The following ARL15 variants were observed in gnomAD, a reference collection of about 807,000 sequenced individuals.
ARL15 encodes the protein ADP-ribosylation factor-like protein 15.
A neutral mutation model predicts 25.2 loss-of-function variants in ARL15; 19 were observed. That is an observed-to-expected ratio of 0.75 (90% confidence interval 0.53 to 1.10). The LOEUF (loss-of-function observed/expected upper bound fraction) is 1.10. ARL15 is among the 50% of genes least tolerant of loss of function. ARL15 has a pLI of 0.00. For missense variants in ARL15, 220 were observed against 246.0 expected (o/e 0.89, Z 0.71); for synonymous variants, 94 against 86.8 (o/e 1.08, Z -0.46).
chr5:54,148,261 C>T (rs990345694), intron 3 of ARL15, among the ~76,000 whole-genome samples: 10 of 152,068 alleles, frequency 6.6e-5, no homozygotes, highest in African/African-American at 1.7e-4. Flanking sequence ...TAACAGCACC[C>T]GAAGATAACT....
intron 3 of ARL15, among the ~76,000 whole-genome samples, chr5:54,120,133 T>C (rs1172429517): frequency 6.6e-6 from 1 of 152,206 alleles, no homozygotes; most frequent in African/African-American, 2.4e-5. Context: ...TTCTCAAAAG[T>C]AGAATGTAGA....
At chr5:54,038,590 A>G (rs1159876053) in intron 4 of ARL15, among the ~76,000 whole-genome samples, 1 of 152,158 alleles carries the variant, frequency 6.6e-6, no homozygotes, top group Non-Finnish European at 1.5e-5. Context: ...AAATAAACCA[A>G]AATTAGAGTG....
At chr5:54,167,690 A>G (rs13172689) in intron 2 of ARL15, among the ~76,000 whole-genome samples, 19,065 of 152,130 alleles carry the variant, frequency 0.13, 1,528 homozygotes, top group Non-Finnish European at 0.19. Flanking sequence ...TCTGACTACT[A>G]GCATGCTCAA....
rs1744531089 is a variant in ARL15, at chr5:53,886,557, G to A, written c.*4C>T. 1.3e-6 allele frequency: 2 copies of A among 1,553,898 alleles called. No homozygotes were observed. The highest frequency in any genetic ancestry group is 1.2e-5 in the South Asian group (1 of 83,230). ...TTTTGGGAGCCTGTTTTCTTTGCCA[G>A]ATTTCACATTCTTACAGCTTCATGG... is the stretch of plus-strand genomic sequence containing the variant. On this transcript the variant is annotated 3_prime_UTR_variant, in exon 5 of 5. Transcript: ENST00000504924.
intron 3 of ARL15, among the ~76,000 whole-genome samples, chr5:54,133,724 A>G (rs1181294882): frequency 6.6e-6 from 1 of 152,164 alleles, no homozygotes; most frequent in African/African-American, 2.4e-5. Flanking sequence ...ACCAAAAATG[A>G]TCATTTACCC....
At chr5:54,252,873 G>A (rs770180226) in intron 1 of ARL15, among the ~76,000 whole-genome samples, 4 of 151,980 alleles carry the variant, frequency 2.6e-5, no homozygotes, top group Non-Finnish European at 4.4e-5. Flanking sequence ...ATAGAGGCGC[G>A]CACCACCATG....
At chr5:54,157,467 A>T (rs1029885817) in intron 2 of ARL15, among the ~76,000 whole-genome samples, 2 of 152,176 alleles carry the variant, frequency 1.3e-5, no homozygotes, top group Non-Finnish European at 2.9e-5. Context: ...GCTGGGGTAC[A>T]GTGGCGTGGT....
rs544753169 is a variant in ARL15, at chr5:54,073,516, G to GTTGGTTAGAAAATGCTTTCAT, written c.462+39665_462+39685dup. 2.5e-3 allele frequency among the ~76,000 whole-genome samples: 377 copies of GTTGGTTAGAAAATGCTTTCAT among 152,326 alleles called. 1 individual carries two copies. The highest frequency in any genetic ancestry group is 8.5e-3 in the African/African-American group (352 of 41,582). On this transcript the variant is annotated intron_variant, in intron 4 of 4. Coordinates refer to ENST00000504924, the MANE Select transcript of ARL15 (RefSeq NM_019087.3). ...AGATTGTTACCATTTCACTTCAGAA[G>GTTGGTTAGAAAATGCTTTCAT]TTGGTTAGAAAATGCTTTCATTTAA...
chr5:54,225,281 C>T (rs1756487170), intron 1 of ARL15, among the ~76,000 whole-genome samples: 1 of 152,132 alleles, frequency 6.6e-6, no homozygotes, highest in African/African-American at 2.4e-5. Context: ...AAGATGGCAC[C>T]ATGTCATGGG....
chr5:54,065,717 A>G (rs144267343), intron 4 of ARL15, among the ~76,000 whole-genome samples: 5 of 152,148 alleles, frequency 3.3e-5, no homozygotes, highest in Admixed American at 2.6e-4. Flanking sequence ...CAACAACTAC[A>G]AAAAACAAAT....
At chr5:54,207,253 G>T (rs150848143) in intron 1 of ARL15, among the ~76,000 whole-genome samples, 2 of 152,208 alleles carry the variant, frequency 1.3e-5, no homozygotes, top group Non-Finnish European at 2.9e-5. Flanking sequence ...TGTCTGCACA[G>T]GGAGACTAAG....
chr5:54,061,019 C>T (rs1353830859), intron 4 of ARL15, among the ~76,000 whole-genome samples: 1 of 152,144 alleles, frequency 6.6e-6, no homozygotes, highest in Non-Finnish European at 1.5e-5. Context: ...TAATGAGGAG[C>T]CAAATGTTAA....
At chr5:54,147,957 T>C (rs367590826) in intron 3 of ARL15, among the ~76,000 whole-genome samples, 2 of 152,278 alleles carry the variant, frequency 1.3e-5, no homozygotes, top group South Asian at 2.1e-4. Flanking sequence ...GCTGGAGTTT[T>C]AAAAAATGAG....
intron 3 of ARL15, among the ~76,000 whole-genome samples, chr5:54,125,766 T>G (rs924144281): frequency 2.0e-5 from 3 of 152,156 alleles, no homozygotes; most frequent in African/African-American, 7.2e-5. Flanking sequence ...GTCCCCAAAT[T>G]TGTAGTGAAT....
intron 4 of ARL15, among the ~76,000 whole-genome samples, chr5:53,981,368 C>T (rs1748112208): frequency 6.6e-6 from 1 of 152,048 alleles, no homozygotes; most frequent in Non-Finnish European, 1.5e-5. Context: ...ATAGGGTAAG[C>T]CAGAAGGCAC....
intron 4 of ARL15, among the ~76,000 whole-genome samples, chr5:53,986,013 T>C (rs999507384): frequency 2.6e-5 from 4 of 152,180 alleles, no homozygotes; most frequent in Admixed American, 2.6e-4. Flanking sequence ...TTGAATCTGA[T>C]CACCACTAAT....
chr5:54,236,407 GACACACACACACACACAC>G (rs72439978), intron 1 of ARL15, among the ~76,000 whole-genome samples: 1 of 140,642 alleles, frequency 7.1e-6, no homozygotes, highest in South Asian at 2.4e-4. Flanking sequence ...ACTAAACACA[GACACACACACACACACAC>G]ACACACACAC....
chr5:54,223,291 A>G (rs1756430185), intron 1 of ARL15, among the ~76,000 whole-genome samples: 1 of 152,142 alleles, frequency 6.6e-6, no homozygotes, highest in Non-Finnish European at 1.5e-5. Flanking sequence ...TTGGTTAAAA[A>G]AGACCACCTA....
chr5:54,011,038 G>A (rs1160774938), intron 4 of ARL15, among the ~76,000 whole-genome samples: 1 of 151,978 alleles, frequency 6.6e-6, no homozygotes, highest in Non-Finnish European at 1.5e-5. Flanking sequence ...CAAAGACTGT[G>A]GAAGAAGTCC....
Sources: gnomAD v4.1 joint callset for allele counts (sites outside exome capture counted in the v4.1 genomes callset) on GRCh38, gnomAD v4.1.1 for gene constraint, MANE v1.5 for transcripts, NCBI Gene and HGNC (gene_info 2026-07-23, HGNC 2026-07-21) for gene names.